PDZRN4: variants seen among roughly 807,000 people sequenced by gnomAD.
PDZRN4 encodes PDZ domain-containing RING finger protein 4.
In PDZRN4, 70 loss-of-function variants were observed where a neutral mutation model predicts 99.0. That is an observed-to-expected ratio of 0.71 (90% confidence interval 0.58 to 0.86). The LOEUF is 0.86. PDZRN4 is among the 40% of genes least tolerant of loss of function. The probability of loss-of-function intolerance (pLI) is 0.00; values close to 1 mark genes in which losing one functional copy is unlikely to be tolerated. For missense variants in PDZRN4, 1,474 were observed against 1,331.2 expected, an observed-to-expected ratio of 1.11 and a Z score of -1.67; for synonymous variants, 551 against 501.6, an observed-to-expected ratio of 1.10 and a Z score of -1.32.
intron 3 of PDZRN4, among the ~76,000 whole-genome samples, chr12:41,343,616 A>G (rs1234567101): frequency 7.9e-6 from 1 of 126,756 alleles, no homozygotes. Context: ...AGAGAGTTGT[A>G]TACGGTACAA....
intron 3 of PDZRN4, among the ~76,000 whole-genome samples, chr12:41,258,204 G>A (rs1158637659): frequency 1.3e-5 from 2 of 152,122 alleles, no homozygotes. Context: ...GTTTTGTATT[G>A]TGTTGTAAAT....
chr12:41,509,666 T>A, intron 4 of PDZRN4, 145 bp from the exon 5 acceptor site: 1 of 470,584 alleles, frequency 2.1e-6, no homozygotes, highest in Admixed American at 3.9e-5. Context: ...CTATTGCTTT[T>A]CCTCAGCTGT....
At chr12:41,309,865 A>T (rs1009958242) in intron 3 of PDZRN4, among the ~76,000 whole-genome samples, 1 of 152,142 alleles carries the variant, frequency 6.6e-6, no homozygotes, top group Non-Finnish European at 1.5e-5. Flanking sequence ...TATATACAAT[A>T]TCCAACATGG....
chr12:41,392,262 C>T (rs1352514024), intron 3 of PDZRN4, among the ~76,000 whole-genome samples: 10 of 152,020 alleles, frequency 6.6e-5, no homozygotes, highest in Admixed American at 6.6e-4. Context: ...TTGATCATGA[C>T]CCCAGAGAAA....
At chr12:41,408,813 T>C (rs1347072021) in intron 3 of PDZRN4, among the ~76,000 whole-genome samples, 1 of 151,498 alleles carries the variant, frequency 6.6e-6, no homozygotes, top group Non-Finnish European at 1.5e-5. Context: ...CTGTCTCTCT[T>C]GCGCTCTCTC....
chr12:41,511,150 G>T (rs949073288), intron 5 of PDZRN4, among the ~76,000 whole-genome samples: 2 of 151,942 alleles, frequency 1.3e-5, no homozygotes, highest in Non-Finnish European at 2.9e-5. Flanking sequence ...CTGGAATTAT[G>T]TAGATCACTT....
intron 3 of PDZRN4, among the ~76,000 whole-genome samples, chr12:41,208,376 A>C (rs1950864808): frequency 6.6e-6 from 1 of 151,960 alleles, no homozygotes; most frequent in Non-Finnish European, 1.5e-5. Context: ...AAATGTTTTC[A>C]CTAAAGAAAT....
intron 3 of PDZRN4, among the ~76,000 whole-genome samples, chr12:41,257,316 A>G (rs1951210189): frequency 6.6e-6 from 1 of 152,138 alleles, no homozygotes; most frequent in Non-Finnish European, 1.5e-5. Context: ...TTGTTTCCTC[A>G]CATGGTGGAA....
intron 3 of PDZRN4, among the ~76,000 whole-genome samples, chr12:41,282,949 T>G (rs547576613): frequency 2.0e-5 from 3 of 152,208 alleles, no homozygotes; most frequent in African/African-American, 7.2e-5. Flanking sequence ...CACCCTAACA[T>G]AGCAATTAAA....
At chr12:41,204,659 T>C (rs1490205150) in intron 3 of PDZRN4, among the ~76,000 whole-genome samples, 2 of 151,982 alleles carry the variant, frequency 1.3e-5, no homozygotes, top group Non-Finnish European at 2.9e-5. Flanking sequence ...GAGAACTCAC[T>C]CACTATCACG....
chr12:41,447,794 G>A (rs1254710198), intron 3 of PDZRN4, among the ~76,000 whole-genome samples: 1 of 151,948 alleles, frequency 6.6e-6, no homozygotes, highest in Non-Finnish European at 1.5e-5. Flanking sequence ...TCATTTTATT[G>A]TAAATACCAA....
chr12:41,571,678 A>T (rs1939483393), intron 9 of PDZRN4, among the ~76,000 whole-genome samples: 1 of 152,170 alleles, frequency 6.6e-6, no homozygotes, highest in South Asian at 2.1e-4. Flanking sequence ...GTATTCAGGA[A>T]TATGGCATCC....
At chr12:41,551,595 C>A (rs901995155) in intron 5 of PDZRN4, among the ~76,000 whole-genome samples, 1 of 152,082 alleles carries the variant, frequency 6.6e-6, no homozygotes, top group Non-Finnish European at 1.5e-5. Context: ...ACTGAAATAT[C>A]CTGTTGTAGG....
At chr12:41,441,998 G>A (rs1952684222) in intron 3 of PDZRN4, among the ~76,000 whole-genome samples, 1 of 152,042 alleles carries the variant, frequency 6.6e-6, no homozygotes, top group African/African-American at 2.4e-5. Flanking sequence ...ATTTGCCATT[G>A]TGTCACTCCA....
At chr12:41,412,013 T>C (rs1374063959) in intron 3 of PDZRN4, 2 of 152,224 alleles carry the variant, frequency 1.3e-5, no homozygotes, top group East Asian at 3.8e-4. Context: ...GCAAGGTATA[T>C]GTCTAGGGCA....
chr12:41,217,479 G>A (rs926259409), intron 3 of PDZRN4, among the ~76,000 whole-genome samples: 11 of 152,008 alleles, frequency 7.2e-5, no homozygotes, highest in Non-Finnish European at 1.2e-4. Context: ...AGCACCAAAT[G>A]AGTGCTGTCA....
At chr12:41,567,667 C>A in intron 8 of PDZRN4, 116 bp from the exon 9 acceptor site, 28 of 350,178 alleles carry the variant, frequency 8.0e-5, no homozygotes, top group Non-Finnish European at 1.1e-4. Flanking sequence ...GGCTGGTATT[C>A]TGAAGAGAAT....
In PDZRN4 at chr12:41,398,249, T is replaced by C. The variant is rs74077576; in HGVS notation, c.844-108207T>C. Among the ~76,000 whole-genome samples, 605 of 152,108 alleles carry C rather than the reference T, an allele frequency of 4.0e-3. 2 individuals carry two copies. The highest frequency in any genetic ancestry group is 0.014 in the African/African-American group (581 of 41,488). On this transcript the variant is annotated intron_variant, in intron 3 of 9. Coordinates refer to ENST00000402685, the MANE Select transcript of PDZRN4 (RefSeq NM_001164595.2). ...CTGGCTGGCATTGGGAAAGAGTGGATTAAAAGCAGTCATGAAACTAGAGTT... is the reference window on the plus strand; with the variant it reads ...CTGGCTGGCATTGGGAAAGAGTGGACTAAAAGCAGTCATGAAACTAGAGTT...
intron 3 of PDZRN4, among the ~76,000 whole-genome samples, chr12:41,422,494 T>C (rs1040203415): frequency 3.9e-5 from 6 of 152,182 alleles, no homozygotes. Context: ...CAAGGTTTAA[T>C]TGACTCACAG....
Sources: allele counts gnomAD v4.1 joint callset (sites outside exome capture counted in the v4.1 genomes callset), GRCh38; gene constraint gnomAD v4.1.1; transcripts MANE v1.5; gene names NCBI Gene and HGNC (gene_info 2026-07-23, HGNC 2026-07-21).